CCDC73: variants seen among roughly 807,000 people sequenced by gnomAD.
CCDC73 encodes coiled-coil domain-containing protein 73.
In CCDC73, 95 loss-of-function variants were observed where a neutral mutation model predicts 116.5. The observed-to-expected ratio is 0.82, with a 90% CI of 0.69 to 0.97. The LOEUF (loss-of-function observed/expected upper bound fraction) is 0.97. Among genes scored for constraint, CCDC73 ranks in the 50% least tolerant of loss-of-function variants. CCDC73 has a pLI of 0.00. For missense variants in CCDC73, 1,066 were observed against 1,206.8 expected, an observed-to-expected ratio of 0.88 and a Z score of 1.73; for synonymous variants, 398 against 401.3, an observed-to-expected ratio of 0.99 and a Z score of 0.10.
At chr11:32,682,643 A>T (rs1411946083) in intron 7 of CCDC73, 1 of 151,874 alleles carries the variant, frequency 6.6e-6, no homozygotes, top group Non-Finnish European at 1.5e-5. Context: ...GCATAGCCCC[A>T]CCCAAAAAGC....
chr11:32,717,239 T>C (rs1418809395), intron 3 of CCDC73, among the ~76,000 whole-genome samples: 1 of 152,230 alleles, frequency 6.6e-6, no homozygotes, highest in Non-Finnish European at 1.5e-5. Context: ...ACTTTCAGGT[T>C]TTAGTTGTTA....
chr11:32,745,361 CAAG>C (rs1452710061), intron 2 of CCDC73, among the ~76,000 whole-genome samples: 1 of 151,934 alleles, frequency 6.6e-6, no homozygotes, highest in Admixed American at 6.6e-5. Flanking sequence ...GATGTGGTGC[CAAG>C]AAGAATGTAT....
chr11:32,759,662 T>C (rs1850373908), intron 2 of CCDC73, among the ~76,000 whole-genome samples: 1 of 152,224 alleles, frequency 6.6e-6, no homozygotes, highest in Non-Finnish European at 1.5e-5. Flanking sequence ...GATATTTGAT[T>C]CTTTCAACCC....
chr11:32,819,269 G>A, the CCDC73 span, among the ~76,000 whole-genome samples: 5 of 151,196 alleles, frequency 3.3e-5, no homozygotes, highest in South Asian at 1.0e-3. Context: ...TTTCCATACA[G>A]GACAAACCAT....
rs980814113 is a variant in CCDC73, at chr11:32,614,464, T to A, written c.1854A>T (p.Glu618Asp). The A allele has an allele frequency of 6.2e-7, 1 of 1,613,628 alleles. No homozygotes were observed. Among genetic ancestry groups the A allele is most frequent in the Non-Finnish European group, 8.5e-7 (1 of 1,179,744 alleles). ...PGTREHALEKEITNSDQTKAD... is the reference protein window; with the variant it reads ...PGTREHALEKDITNSDQTKAD... ...CTTTGGTTTGGTCACTATTTGTAATTTCCTTCTCTAGAGCATGTTCTCGAG... is the reference window on the plus strand; with the variant it reads ...CTTTGGTTTGGTCACTATTTGTAATATCCTTCTCTAGAGCATGTTCTCGAG... The change falls in exon 16 of 18, where the codon GAA becomes GAT. Residue 618 changes from glutamate (E) to aspartate (D), a missense_variant. Coordinates refer to ENST00000335185, the MANE Select transcript of CCDC73 (RefSeq NM_001008391.4).
chr11:32,800,051 GTAA>G, the CCDC73 span, among the ~76,000 whole-genome samples: 6 of 152,222 alleles, frequency 3.9e-5, no homozygotes, highest in Non-Finnish European at 5.9e-5. Context: ...AAATTTTCAT[GTAA>G]TAATTGATAG....
chr11:32,781,063 A>C (rs532254786), intron 1 of CCDC73, among the ~76,000 whole-genome samples: 1 of 152,308 alleles, frequency 6.6e-6, no homozygotes, highest in African/African-American at 2.4e-5. Context: ...TGAGCCCAGA[A>C]GGCGGACGTT....
chr11:32,664,597 T>C (rs1375707108), intron 9 of CCDC73, among the ~76,000 whole-genome samples: 3 of 152,206 alleles, frequency 2.0e-5, no homozygotes, highest in African/African-American at 4.8e-5. Flanking sequence ...TGCTGGGGTC[T>C]ATCAATTTTG....
the CCDC73 span, among the ~76,000 whole-genome samples, chr11:32,823,140 A>C: frequency 6.6e-6 from 1 of 152,142 alleles, no homozygotes; most frequent in African/African-American, 2.4e-5. Context: ...GATGAAAGAC[A>C]GATCAATATT....
chr11:32,803,948 A>C, the CCDC73 span, among the ~76,000 whole-genome samples: 1 of 152,018 alleles, frequency 6.6e-6, no homozygotes, highest in Non-Finnish European at 1.5e-5. Flanking sequence ...CTGAGACTAC[A>C]GGTGTATGCC....
Position 32,756,834 on chromosome 11 carries a change from A to G in CCDC73, c.135+3275T>C, listed in dbSNP as rs531649566. Among the ~76,000 whole-genome samples the G allele has an allele frequency of 1.2e-4, 19 of 152,204 alleles. No individual in the cohort carries two copies. The East Asian group carries it at 3.3e-3, about 26-fold the overall frequency. ...TCTGTTTTAAATGCTAAATAAAAAG[A>G]TCTCTTCAGAAACTATTAATGAGAA... is the stretch of plus-strand genomic sequence containing the variant. On this transcript the variant is annotated intron_variant, in intron 2 of 17. Coordinates refer to ENST00000335185, the MANE Select transcript of CCDC73 (RefSeq NM_001008391.4).
rs187969353 is a variant in CCDC73, at chr11:32,659,853, T to G, written c.646-4881A>C. Among the ~76,000 whole-genome samples the G allele has an allele frequency of 1.1e-4, 16 of 152,286 alleles. No homozygotes were observed. The East Asian group carries it at 3.1e-3, about 29-fold the overall frequency. On this transcript the variant is annotated intron_variant, in intron 9 of 17. Coordinates refer to ENST00000335185, the MANE Select transcript of CCDC73 (RefSeq NM_001008391.4). ...ATTCTTGGGCCTCTTCCTTAGACTA[T>G]TAACAAGAGGCCAATTCAGGTATTA...
chr11:32,659,965 T>C (rs1428582640), intron 9 of CCDC73, among the ~76,000 whole-genome samples: 1 of 152,114 alleles, frequency 6.6e-6, no homozygotes, highest in Non-Finnish European at 1.5e-5. Flanking sequence ...TTGGATCACA[T>C]GCTCATTCCT....
chr11:32,764,907 G>A lies in CCDC73; in HGVS notation c.-15-4649C>T, dbSNP rs1374378844. 2.6e-5 allele frequency among the ~76,000 whole-genome samples: 4 copies of A among 152,120 alleles called. No homozygotes were observed. The East Asian group carries it at 7.7e-4, about 29-fold the overall frequency. On this transcript the variant is annotated intron_variant, in intron 1 of 17. Coordinates refer to ENST00000335185, the MANE Select transcript of CCDC73 (RefSeq NM_001008391.4). Reference sequence around the variant, plus strand: ...AGACACACATAGGCTCAAAATAAAGGGATGGAGGAAGATCTACCAAGCAAA... The same window carrying A: ...AGACACACATAGGCTCAAAATAAAGAGATGGAGGAAGATCTACCAAGCAAA...
the CCDC73 span, among the ~76,000 whole-genome samples, chr11:32,804,441 T>C: frequency 2.6e-5 from 4 of 152,312 alleles, no homozygotes; most frequent in South Asian, 2.1e-4. Context: ...AAAGATATAA[T>C]TTCTAGTAAC....
intron 17 of CCDC73, among the ~76,000 whole-genome samples, chr11:32,609,465 C>T (rs1041825722): frequency 9.2e-5 from 14 of 152,162 alleles, no homozygotes; most frequent in African/African-American, 2.9e-4. Flanking sequence ...TGGATTTCAT[C>T]GTCCATATCA....
chr11:32,651,037 A>T (rs1855821615), intron 12 of CCDC73, among the ~76,000 whole-genome samples: 1 of 152,170 alleles, frequency 6.6e-6, no homozygotes, highest in South Asian at 2.1e-4. Flanking sequence ...ACAGACCCTC[A>T]TAAGGTGCCT....
chr11:32,699,825 T>C lies in CCDC73; in HGVS notation c.316-500A>G, dbSNP rs1039467594. Among the ~76,000 whole-genome samples, 62 of 151,698 alleles carry C rather than the reference T, an allele frequency of 4.1e-4. 1 individual carries two copies. The highest frequency in any genetic ancestry group is 2.5e-3 in the South Asian group (12 of 4,806). ...AGCACACCAACATGGCACATGTATA[T>C]ATATGTAACAAACCTGCACGTTGTG... On this transcript the variant is annotated intron_variant, in intron 5 of 17. Transcript: ENST00000335185.
chr11:32,805,256 C>G, the CCDC73 span, among the ~76,000 whole-genome samples: 6 of 152,164 alleles, frequency 3.9e-5, no homozygotes, highest in Non-Finnish European at 8.8e-5. Flanking sequence ...ATATCTTCCA[C>G]ATCTTATTTT....
Sources: gnomAD v4.1 joint callset for allele counts (sites outside exome capture counted in the v4.1 genomes callset) on GRCh38, gnomAD v4.1.1 for gene constraint, MANE v1.5 for transcripts, NCBI Gene and HGNC (gene_info 2026-07-23, HGNC 2026-07-21) for gene names.